The following MED13L variants were observed in gnomAD, a reference collection of about 807,000 sequenced individuals.
MED13L encodes the protein mediator of RNA polymerase II transcription subunit 13-like.
Under a neutral mutation model 220.9 loss-of-function variants are expected in MED13L, and 7 were observed. The observed-to-expected ratio is 0.03, with a 90% CI of 0.02 to 0.06. The LOEUF (loss-of-function observed/expected upper bound fraction) is 0.06, where lower values mean the gene tolerates loss of function less well. Ranked by LOEUF, MED13L falls within the 10% of genes least tolerant of loss-of-function variation. The pLI, the probability that MED13L is intolerant of heterozygous loss-of-function variation, is 1.00. For synonymous variants in MED13L, 1,011 were observed against 1,015.2 expected (o/e 1.00, Z 0.08); for missense variants, 1,965 against 2,760.5 (o/e 0.71, Z 6.46).
intron 4 of MED13L, among the ~76,000 whole-genome samples, chr12:116,085,112 C>G (rs1447246889): frequency 5.3e-5 from 8 of 152,170 alleles, no homozygotes; most frequent in African/African-American, 1.4e-4. Context: ...CTAGGGTCCT[C>G]TGTGTGCAAA....
chr12:116,215,543 A>G (rs1250932613), intron 2 of MED13L, among the ~76,000 whole-genome samples: 1 of 152,186 alleles, frequency 6.6e-6, no homozygotes, highest in African/African-American at 2.4e-5. Flanking sequence ...ACAAAAACCT[A>G]AAGTGCTGGG....
At chr12:116,180,334 T>C (rs533293044) in intron 2 of MED13L, among the ~76,000 whole-genome samples, 17 of 152,186 alleles carry the variant, frequency 1.1e-4, no homozygotes, top group Non-Finnish European at 2.4e-4. Context: ...AGCGAAAAAT[T>C]CCACATTTGA....
intron 2 of MED13L, among the ~76,000 whole-genome samples, chr12:116,129,160 T>C (rs1434018801): frequency 3.9e-5 from 6 of 152,186 alleles, no homozygotes; most frequent in Non-Finnish European, 8.8e-5. Flanking sequence ...AGGCTGGGCA[T>C]GGTGGCTCAT....
rs1878033811 is a variant in MED13L, at chr12:115,991,158, C to T, written c.3796G>A (p.Ala1266Thr). 1 of 1,614,056 alleles carries T rather than the reference C, an allele frequency of 6.2e-7. No individual in the cohort carries two copies. Among genetic ancestry groups the T allele is most frequent in the Admixed American group, 1.7e-5 (1 of 60,010 alleles). Residue 1266 changes from alanine to threonine, a missense_variant, in exon 17 of 31, where the codon GCA (alanine) becomes ACA (threonine). Physicochemically the swap from Ala to Thr is moderately conservative, Grantham distance 58 (BLOSUM62 0). Coordinates refer to ENST00000281928, the MANE Select transcript of MED13L (RefSeq NM_015335.5). This position sits in a 1 kb window ranked among gnomAD's most constrained non-coding sequence, Gnocchi z 7.7. ...TCCGTCCAGTAATCATTATTATCTGCTTGCACCCGGTCATAACTCCAGCTT... is the reference window on the plus strand; with the variant it reads ...TCCGTCCAGTAATCATTATTATCTGTTTGCACCCGGTCATAACTCCAGCTT... Reference protein sequence around the residue: ...CVSWSYDRVQADNNDYWTECF... With the variant: ...CVSWSYDRVQTDNNDYWTECF...
intron 4 of MED13L, among the ~76,000 whole-genome samples, chr12:116,038,372 A>G (rs2137531120): frequency 6.6e-6 from 1 of 152,274 alleles, no homozygotes; most frequent in Non-Finnish European, 1.5e-5. Context: ...CCAAGACTGC[A>G]CATATTCTAT....
intron 2 of MED13L, among the ~76,000 whole-genome samples, chr12:116,115,290 A>G (rs540638012): frequency 6.6e-6 from 1 of 152,274 alleles, no homozygotes; most frequent in East Asian, 1.9e-4. Context: ...AAGGCAATTC[A>G]GTCAATTCAG....
intron 2 of MED13L, among the ~76,000 whole-genome samples, chr12:116,173,183 CAT>C (rs1879807091): frequency 1.3e-5 from 2 of 149,842 alleles, no homozygotes; most frequent in South Asian, 4.2e-4. Context: ...GGAAAAAAGA[CAT>C]AAAGTATAGG....
chr12:116,098,100 G>C (rs1872761697), intron 3 of MED13L, among the ~76,000 whole-genome samples: 1 of 152,036 alleles, frequency 6.6e-6, no homozygotes, highest in Non-Finnish European at 1.5e-5. Context: ...CAAAAAATTA[G>C]CTGGGCGTGG....
At chr12:116,148,587 A>G in intron 2 of MED13L, 1 of 263,950 alleles carries the variant, frequency 3.8e-6, no homozygotes, top group Non-Finnish European at 8.5e-6. Context: ...TTCTATATCT[A>G]TCTCCATATA....
intron 2 of MED13L, among the ~76,000 whole-genome samples, chr12:116,128,696 A>G (rs1209522625): frequency 6.6e-6 from 1 of 152,202 alleles, no homozygotes; most frequent in African/African-American, 2.4e-5. Flanking sequence ...ATCACTATAA[A>G]TTTACAATGT....
intron 19 of MED13L, 88 bp from the exon 20 acceptor site, chr12:115,984,460 C>G: frequency 7.2e-7 from 1 of 1,389,442 alleles, no homozygotes; most frequent in Non-Finnish European, 1.0e-6. Flanking sequence ...CTTTAACATA[C>G]ATATGGAAGC....
At chr12:116,005,199 A>G (rs769661935) in intron 13 of MED13L, among the ~76,000 whole-genome samples, 1 of 152,228 alleles carries the variant, frequency 6.6e-6, no homozygotes, top group Non-Finnish European at 1.5e-5. Flanking sequence ...AACAGAGCCT[A>G]TCTTACTCAT....
intron 2 of MED13L, among the ~76,000 whole-genome samples, chr12:116,215,051 T>C (rs1452946914): frequency 1.3e-5 from 2 of 152,192 alleles, no homozygotes; most frequent in South Asian, 2.1e-4. Flanking sequence ...TATATATGCA[T>C]AAACTAAACT....
chr12:116,024,816 G>C (rs1419190860), intron 4 of MED13L, among the ~76,000 whole-genome samples: 1 of 132,170 alleles, frequency 7.6e-6, no homozygotes, highest in South Asian at 2.6e-4. Flanking sequence ...TTGAGAAATA[G>C]GGGTCTAGTG....
intron 4 of MED13L, among the ~76,000 whole-genome samples, chr12:116,047,642 A>C (rs1025130725): frequency 1.3e-5 from 2 of 152,218 alleles, no homozygotes; most frequent in African/African-American, 4.8e-5. Flanking sequence ...CGGTGTCAGG[A>C]AACAAGCCCC....
intron 2 of MED13L, among the ~76,000 whole-genome samples, chr12:116,143,470 A>G (rs1877253351): frequency 6.6e-6 from 1 of 152,212 alleles, no homozygotes; most frequent in Admixed American, 6.5e-5. Context: ...CTGAAGTTTC[A>G]ATTGTAAGTC....
chr12:116,107,147 A>C (rs933483593), intron 3 of MED13L, among the ~76,000 whole-genome samples: 8 of 152,232 alleles, frequency 5.3e-5, no homozygotes, highest in African/African-American at 1.9e-4. Context: ...AATATCTCTT[A>C]TCTCTGAAGG....
chr12:116,135,937 T>C (rs541985685), intron 2 of MED13L, among the ~76,000 whole-genome samples: 3 of 149,974 alleles, frequency 2.0e-5, no homozygotes, highest in Admixed American at 1.3e-4. Flanking sequence ...AGAGTCTCAC[T>C]CTGTTGCCCA....
intron 2 of MED13L, among the ~76,000 whole-genome samples, chr12:116,146,032 G>A (rs537979052): frequency 1.3e-5 from 2 of 152,280 alleles, no homozygotes; most frequent in African/African-American, 2.4e-5. Context: ...CACAGCCCGC[G>A]GGCCGCATGA....
Sources: allele counts gnomAD v4.1 joint callset (sites outside exome capture counted in the v4.1 genomes callset), GRCh38; gene constraint gnomAD v4.1.1; non-coding constraint Gnocchi (gnomAD v3.1); transcripts MANE v1.5; gene names NCBI Gene and HGNC (gene_info 2026-07-23, HGNC 2026-07-21).